RAB11A: variants seen among roughly 807,000 people sequenced by gnomAD.
The protein encoded by RAB11A is RAB11A, member RAS oncogene family, also known as ras-related protein Rab-11A.
In RAB11A, 9 loss-of-function variants were observed where a neutral mutation model predicts 28.0. The ratio of observed to expected loss-of-function variants is 0.32; its 90% CI spans 0.19 to 0.56. The LOEUF (loss-of-function observed/expected upper bound fraction) is 0.56, where lower values mean the gene tolerates loss of function less well. Among genes scored for constraint, RAB11A ranks in the 20% least tolerant of loss-of-function variants. RAB11A has a pLI of 0.91. For missense variants in RAB11A, 108 were observed against 269.6 expected (o/e 0.40, Z 4.20); for synonymous variants, 85 against 88.2 (o/e 0.96, Z 0.20).
At chr15:65,883,401 T>G (rs1245880638) in intron 4 of RAB11A, among the ~76,000 whole-genome samples, 2 of 152,180 alleles carry the variant, frequency 1.3e-5, no homozygotes, top group African/African-American at 4.8e-5. Context: ...TCCTCATGAT[T>G]AAACTCAAGT....
At chr15:65,880,028 T>G (rs1346788461) in intron 4 of RAB11A, among the ~76,000 whole-genome samples, 1 of 152,200 alleles carries the variant, frequency 6.6e-6, no homozygotes, top group Non-Finnish European at 1.5e-5. Context: ...TTCTTCATGG[T>G]CACAAAGTAA....
rs2078144517 is a variant in RAB11A, at chr15:65,869,528, G to A, written c.-58G>A. ...GCGCTCGGGTTACCCCTGCAGCGAC[G>A]CCCCCTGGTCCCACAGATACCACTG... On this transcript the variant is annotated 5_prime_UTR_variant, in exon 1 of 5. Transcript: ENST00000261890. 1 of 1,590,772 alleles carries A rather than the reference G, an allele frequency of 6.3e-7. No individual in the cohort carries two copies. The highest frequency in any genetic ancestry group is 1.7e-5 in the Admixed American group (1 of 58,564).
chr15:65,879,546 T>G, intron 3 of RAB11A, 125 bp from the exon 4 acceptor site: 3 of 620,606 alleles, frequency 4.8e-6, no homozygotes, highest in South Asian at 4.5e-5. Flanking sequence ...GTGCCCTTAC[T>G]GTCCCAGAAG....
chr15:65,878,105 C>CT, intron 3 of RAB11A, 150 bp downstream of exon 3: 2 of 831,786 alleles, frequency 2.4e-6, no homozygotes, highest in Non-Finnish European at 4.0e-6. Flanking sequence ...GACTGTATAG[C>CT]TTTTTTGCTT....
intron 1 of RAB11A, among the ~76,000 whole-genome samples, chr15:65,874,599 C>CT (rs112271535): frequency 2.6e-4 from 40 of 151,178 alleles, no homozygotes; most frequent in Admixed American, 1.6e-3. Flanking sequence ...GATTAGAGTG[C>CT]TTTTTTTTTG....
chr15:65,887,636 T>C, intron 4 of RAB11A, 65 bp from the exon 5 acceptor site: 1 of 1,432,024 alleles, frequency 7.0e-7, no homozygotes, highest in Non-Finnish European at 9.4e-7. Flanking sequence ...TACCTTTATG[T>C]ATCTTTTATC....
chr15:65,877,880 A>G lies in RAB11A; in HGVS notation c.355A>G (p.Ile119Val). The G allele has an allele frequency of 1.2e-6, 2 of 1,613,828 alleles. No individual in the cohort carries two copies. The highest frequency in any genetic ancestry group is 1.7e-6 in the Non-Finnish European group (2 of 1,179,690). ...LRDHADSNIV[I>V]MLVGNKSDLR... Reference sequence around the variant, plus strand: ...AGATCATGCTGATAGTAACATTGTTATCATGCTTGTGGGCAATAAGAGTGA... The same window carrying G: ...AGATCATGCTGATAGTAACATTGTTGTCATGCTTGTGGGCAATAAGAGTGA... The change falls in exon 3 of 5, where the codon ATC becomes GTC. Residue 119 changes from isoleucine to valine, a missense_variant. Physicochemically the swap from Ile to Val is conservative, Grantham distance 29. Coordinates refer to ENST00000261890, the MANE Select transcript of RAB11A (RefSeq NM_004663.5). The surrounding 1 kb of genome is among the most constrained non-coding windows in gnomAD (Gnocchi z 4.1).
At chr15:65,869,673 CG>C (rs1567135473) in intron 1 of RAB11A, 48 bp downstream of exon 1, 2 of 1,575,214 alleles carry the variant, frequency 1.3e-6, no homozygotes, top group Non-Finnish European at 1.7e-6. Context: ...TTCGGGGACC[CG>C]GGCCACTCCC....
rs1567141158 is a variant in RAB11A, at chr15:65,890,658, T to TAA, written c.*2818_*2819insAA. The TAA allele has an allele frequency of 2.0e-5, 3 of 152,226 alleles. No homozygotes were observed. The highest frequency in any genetic ancestry group is 4.4e-5 in the Non-Finnish European group (3 of 68,050). 9.4% of individuals were successfully genotyped at this position (152,226 alleles called of 1,614,324 possible). A position where few individuals can be genotyped will look rare whatever the true frequency, so the allele number is the denominator to read the frequency against. On this transcript the variant is annotated 3_prime_UTR_variant, in exon 5 of 5. Transcript: ENST00000261890. Reference sequence around the variant, plus strand: ...ATTGAAAAAATGAATATCTTAATTTTTGTCTTTGCTGACTGGTATTTATAA... The same window carrying TAA: ...ATTGAAAAAATGAATATCTTAATTTTAATGTCTTTGCTGACTGGTATTTATAA...
In RAB11A at chr15:65,879,482, A is replaced by G. The variant is rs571788350; in HGVS notation, c.431-189A>G. ...GCAACCTAGTGAGACCTGCATCTCT[A>G]CTTATATAAAGAAGTAAATAAAGTA... On this transcript the variant is annotated intron_variant, in intron 3 of 4. Coordinates refer to ENST00000261890, the MANE Select transcript of RAB11A (RefSeq NM_004663.5). Among the ~76,000 whole-genome samples, 39 of 152,352 alleles carry G rather than the reference A, an allele frequency of 2.6e-4. No homozygotes were observed. The South Asian group carries it at 3.5e-3, about 14-fold the overall frequency.
chr15:65,889,407 T>C lies in RAB11A; in HGVS notation c.*1567T>C, dbSNP rs1000132479. 4 of 152,250 alleles carry C rather than the reference T, an allele frequency of 2.6e-5. No homozygotes were observed. Among genetic ancestry groups the C allele is most frequent in the Admixed American group, 2.0e-4 (3 of 15,286 alleles). 9.4% of individuals were successfully genotyped at this position (152,250 alleles called of 1,614,324 possible). On this transcript the variant is annotated 3_prime_UTR_variant, in exon 5 of 5. Transcript: ENST00000261890. Reference sequence around the variant, plus strand: ...CTGTAATTTGATTTTTTTTTAGTTATTGATTTGGATTATATTCACATTCTA... The same window carrying C: ...CTGTAATTTGATTTTTTTTTAGTTACTGATTTGGATTATATTCACATTCTA...
intron 3 of RAB11A, among the ~76,000 whole-genome samples, chr15:65,879,294 G>T (rs2078207418): frequency 6.6e-6 from 1 of 152,164 alleles, no homozygotes. Flanking sequence ...TTACAGGAGT[G>T]AGCCACCATG....
chr15:65,872,758 T>C (rs1224938805), intron 1 of RAB11A, among the ~76,000 whole-genome samples: 1 of 152,186 alleles, frequency 6.6e-6, no homozygotes, highest in Admixed American at 6.5e-5. Flanking sequence ...TTAAAGCTCT[T>C]ACAGGATATG....
At chr15:65,874,136 T>C (rs2078178553) in intron 1 of RAB11A, among the ~76,000 whole-genome samples, 1 of 152,232 alleles carries the variant, frequency 6.6e-6, no homozygotes, top group Non-Finnish European at 1.5e-5. Flanking sequence ...ATAATTAATA[T>C]GTATATTCTG....
rs2141110946 is a variant in RAB11A at position 65,889,108 on chromosome 15, C to G, written c.*1268C>G. On this transcript the variant is annotated 3_prime_UTR_variant, in exon 5 of 5. Coordinates refer to ENST00000261890, the MANE Select transcript of RAB11A (RefSeq NM_004663.5). The stretch of plus-strand genomic sequence containing the variant: ...TCGTGGATAATATTAAGCACTTACT[C>G]TGCAGTTTCCTGGAAGTTGTGTCAA... 6.5e-6 allele frequency: 1 copy of G among 152,798 alleles called. No individual in the cohort carries two copies. The highest frequency in any genetic ancestry group is 6.5e-5 in the Admixed American group (1 of 15,308). The allele number at this position is 152,798 out of a possible 1,614,324, so 9.5% of individuals were successfully genotyped here. A position where few individuals can be genotyped will look rare whatever the true frequency, so the allele number is the denominator to read the frequency against.
rs925688919 is a variant in RAB11A at position 65,891,054 on chromosome 15, G to C, written c.*3214G>C. ...TTAATGGGTTAGCGGAACAGATAGG[G>C]AGCTATGACACTAGCACCAAAGAGA... On this transcript the variant is annotated 3_prime_UTR_variant, in exon 5 of 5. Coordinates refer to ENST00000261890, the MANE Select transcript of RAB11A (RefSeq NM_004663.5). 1.3e-5 allele frequency: 2 copies of C among 152,128 alleles called. No homozygotes were observed. Among genetic ancestry groups the C allele is most frequent in the South Asian group, 2.1e-4 (1 of 4,826 alleles). The allele number at this position is 152,128 out of a possible 1,614,324, so 9.4% of individuals were successfully genotyped here. A position where few individuals can be genotyped will look rare whatever the true frequency, so the allele number is the denominator to read the frequency against.
At chr15:65,879,832 A>G in intron 4 of RAB11A, 81 bp downstream of exon 4, 1 of 1,078,964 alleles carries the variant, frequency 9.3e-7, no homozygotes, top group Non-Finnish European at 1.4e-6. Flanking sequence ...CAGTAACTAA[A>G]CTATATATCA....
intron 1 of RAB11A, among the ~76,000 whole-genome samples, 160 bp downstream of exon 1, chr15:65,869,785 C>T (rs1295069548): frequency 6.6e-6 from 1 of 152,182 alleles, no homozygotes; most frequent in Non-Finnish European, 1.5e-5. Flanking sequence ...CTCTTCTCCC[C>T]CGCTCAGACA....
At chr15:65,886,711 C>A (rs542944259) in intron 4 of RAB11A, among the ~76,000 whole-genome samples, 2 of 152,084 alleles carry the variant, frequency 1.3e-5, no homozygotes, top group African/African-American at 2.4e-5. Flanking sequence ...GACATTCATG[C>A]GGTTATTTAT....
Sources: gnomAD v4.1 joint callset for allele counts (sites outside exome capture counted in the v4.1 genomes callset) on GRCh38, gnomAD v4.1.1 for gene constraint, Gnocchi (gnomAD v3.1) non-coding constraint, MANE v1.5 for transcripts, NCBI Gene and HGNC (gene_info 2026-07-23, HGNC 2026-07-21) for gene names.